LRP1B: variants seen among roughly 807,000 people sequenced by gnomAD.
LRP1B encodes the protein LDL receptor related protein 1B, also known as low-density lipoprotein receptor-related protein 1B.
LRP1B carries 217 observed loss-of-function variants against 556.6 expected under a neutral mutation model. The ratio of observed to expected loss-of-function variants is 0.39; its 90% CI spans 0.35 to 0.44. LRP1B has a LOEUF of 0.44. LRP1B is among the 20% of genes least tolerant of loss of function. The pLI is 1.00. For synonymous variants in LRP1B, 2,047 were observed against 1,865.8 expected (o/e 1.10, Z -2.50); for missense variants, 5,053 against 5,620.8 (o/e 0.90, Z 3.23).
At chr2:141,199,682 T>C (rs886381333) in intron 6 of LRP1B, among the ~76,000 whole-genome samples, 2 of 152,162 alleles carry the variant, frequency 1.3e-5, no homozygotes, top group African/African-American at 2.4e-5. Flanking sequence ...GCCATTTTAT[T>C]ACCATTATGT....
At chr2:141,000,786 A>G (rs919300883) in intron 15 of LRP1B, among the ~76,000 whole-genome samples, 8 of 151,988 alleles carry the variant, frequency 5.3e-5, no homozygotes, top group African/African-American at 1.7e-4. Flanking sequence ...TTTTAGTGAT[A>G]ATTCTTTTTG....
chr2:141,940,341 T>G (rs1700760295), intron 1 of LRP1B, among the ~76,000 whole-genome samples: 1 of 152,192 alleles, frequency 6.6e-6, no homozygotes, highest in Non-Finnish European at 1.5e-5. Context: ...TTAAGTCTTC[T>G]TCAATGACGT....
chr2:141,209,349 C>T (rs565681145), intron 6 of LRP1B, among the ~76,000 whole-genome samples: 1 of 152,242 alleles, frequency 6.6e-6, no homozygotes, highest in Admixed American at 6.5e-5. Flanking sequence ...CTTCTCCTTG[C>T]TGCTAACATG....
intron 6 of LRP1B, among the ~76,000 whole-genome samples, chr2:141,193,643 C>A (rs1403286725): frequency 6.6e-6 from 1 of 151,014 alleles, no homozygotes; most frequent in Non-Finnish European, 1.5e-5. Flanking sequence ...GGGGACTTGG[C>A]AATGAAATAA....
At chr2:140,643,533 A>G (rs1201190505) in intron 41 of LRP1B, among the ~76,000 whole-genome samples, 1 of 152,242 alleles carries the variant, frequency 6.6e-6, no homozygotes, top group Non-Finnish European at 1.5e-5. Context: ...TACATTAATT[A>G]TATGATCACC....
chr2:142,129,419 G>A (rs1389154717), intron 1 of LRP1B, among the ~76,000 whole-genome samples: 2 of 152,204 alleles, frequency 1.3e-5, no homozygotes, highest in Non-Finnish European at 2.9e-5. Flanking sequence ...GCTGCCAACA[G>A]CAGGTTGAAT....
chr2:141,476,070 A>G (rs4954910), intron 3 of LRP1B, among the ~76,000 whole-genome samples: 77,842 of 151,864 alleles, frequency 0.51, 20,181 homozygotes, highest in Non-Finnish European at 0.55. Flanking sequence ...CCGAACCGTA[A>G]ATGCTACCTT....
chr2:140,579,703 G>T (rs931636073), intron 43 of LRP1B, among the ~76,000 whole-genome samples: 1 of 152,072 alleles, frequency 6.6e-6, no homozygotes, highest in East Asian at 1.9e-4. Context: ...TCAGCCGGGC[G>T]TGATAGCACA....
intron 41 of LRP1B, among the ~76,000 whole-genome samples, chr2:140,630,678 C>A (rs894669971): frequency 2.2e-4 from 33 of 152,056 alleles, no homozygotes; most frequent in Admixed American, 1.2e-3. Context: ...AGAAAAAAAA[C>A]CCTCATGTTT....
In LRP1B at chr2:140,982,071, GAAAT is replaced by G. The variant is rs1696785781; in HGVS notation, c.2887+85_2887+88del. On this transcript the variant is annotated intron_variant, in intron 18 of 90. Transcript: ENST00000389484. ...TGCCTCTTTTACCTGTACTCATAAAGAAATAAATAGCCCTTTAAGGAGGGTGTAG... is the reference window on the plus strand; with the variant it reads ...TGCCTCTTTTACCTGTACTCATAAAGAAATAGCCCTTTAAGGAGGGTGTAG... The G allele has an allele frequency of 3.8e-6, 4 of 1,039,210 alleles. No homozygotes were observed. In the South Asian group the frequency reaches 5.7e-5, roughly 15 times the overall value. The allele number at this position is 1,039,210 out of a possible 1,614,324, so 64.4% of individuals were successfully genotyped here. A position where few individuals can be genotyped will look rare whatever the true frequency, so the allele number is the denominator to read the frequency against.
At chr2:142,002,932 A>T (rs2105140141) in intron 1 of LRP1B, among the ~76,000 whole-genome samples, 1 of 152,154 alleles carries the variant, frequency 6.6e-6, no homozygotes, top group Non-Finnish European at 1.5e-5. Flanking sequence ...CTTTTGTTCC[A>T]CTCTCTAATG....
At chr2:140,719,987 A>G (rs1687345567) in intron 35 of LRP1B, among the ~76,000 whole-genome samples, 1 of 152,100 alleles carries the variant, frequency 6.6e-6, no homozygotes, top group South Asian at 2.1e-4. Context: ...AAGTAGGTAA[A>G]GAATGTTTTA....
intron 1 of LRP1B, among the ~76,000 whole-genome samples, chr2:141,955,918 T>C (rs1470044622): frequency 6.6e-6 from 1 of 152,050 alleles, no homozygotes; most frequent in African/African-American, 2.4e-5. Context: ...TAAAGTTATC[T>C]CTAGGCCAGG....
chr2:142,032,410 G>A (rs972837014), intron 1 of LRP1B, among the ~76,000 whole-genome samples: 4 of 151,464 alleles, frequency 2.6e-5, no homozygotes, highest in South Asian at 2.1e-4. Flanking sequence ...CACATCCCTC[G>A]GCTCCTAACC....
intron 3 of LRP1B, among the ~76,000 whole-genome samples, chr2:141,425,062 C>T (rs1421642160): frequency 6.9e-6 from 1 of 144,838 alleles, no homozygotes. Context: ...AATGCTATCC[C>T]TCCCCCGTCC....
chr2:140,914,454 CTT>C (rs968958011), intron 21 of LRP1B, among the ~76,000 whole-genome samples: 1 of 152,008 alleles, frequency 6.6e-6, no homozygotes, highest in African/African-American at 2.4e-5. Flanking sequence ...TCCTTTCTGA[CTT>C]TGAAGAGAAA....
intron 41 of LRP1B, among the ~76,000 whole-genome samples, chr2:140,650,383 C>T (rs971537989): frequency 6.7e-6 from 1 of 150,332 alleles, no homozygotes; most frequent in Non-Finnish European, 1.5e-5. Flanking sequence ...GAGTCTCACT[C>T]TGTTGCCTAG....
chr2:140,578,566 C>T (rs944630307), intron 43 of LRP1B, among the ~76,000 whole-genome samples: 1 of 152,148 alleles, frequency 6.6e-6, no homozygotes, highest in African/African-American at 2.4e-5. Context: ...CCAAAATACC[C>T]AACTGGCAGC....
intron 2 of LRP1B, among the ~76,000 whole-genome samples, chr2:141,798,532 C>A (rs1423040875): frequency 6.6e-6 from 1 of 151,690 alleles, no homozygotes; most frequent in Non-Finnish European, 1.5e-5. Flanking sequence ...CATGATGAAA[C>A]CCCGTCTCTA....
Sources: gnomAD v4.1 joint callset for allele counts (sites outside exome capture counted in the v4.1 genomes callset) on GRCh38, gnomAD v4.1.1 for gene constraint, MANE v1.5 for transcripts, NCBI Gene and HGNC (gene_info 2026-07-23, HGNC 2026-07-21) for gene names.